Variants in ADAM9 observed in about 807,000 individuals in gnomAD.
ADAM9 encodes ADAM metallopeptidase domain 9, also known as disintegrin and metalloproteinase domain-containing protein 9.
Under a neutral mutation model 108.1 loss-of-function variants are expected in ADAM9, and 54 were observed. The observed-to-expected ratio is 0.50, with a 90% confidence interval of 0.40 to 0.63. The LOEUF is 0.63. Among genes scored for constraint, ADAM9 ranks in the 20% least tolerant of loss-of-function variants. ADAM9 has a pLI of 0.00. For synonymous variants in ADAM9, 316 were observed against 336.0 expected (o/e 0.94, Z 0.65); for missense variants, 830 against 997.7 (o/e 0.83, Z 2.26).
At chr8:39,007,858 A>T (rs1281801026) in intron 1 of ADAM9, 28 bp from the exon 2 acceptor site, 2 of 1,491,596 alleles carry the variant, frequency 1.3e-6, no homozygotes. Flanking sequence ...AGTTTCACTT[A>T]TTATATTTGT....
At chr8:39,102,038 C>A in intron 21 of ADAM9, 108 bp downstream of exon 21, 1 of 933,860 alleles carries the variant, frequency 1.1e-6, no homozygotes, top group Non-Finnish European at 1.7e-6. Flanking sequence ...TATTTATTGT[C>A]AACAGTTTAC....
chr8:39,009,157 C>G (rs1382227989), intron 2 of ADAM9, among the ~76,000 whole-genome samples: 1 of 152,190 alleles, frequency 6.6e-6, no homozygotes, highest in Non-Finnish European at 1.5e-5. Flanking sequence ...ATTTACATCT[C>G]TCCAACTGAG....
Position 39,091,341 on chromosome 8 carries a change from G to A in ADAM9, c.2293G>A (p.Glu765Lys). 6.2e-7 allele frequency: 1 copy of A among 1,613,340 alleles called. No homozygotes were observed. Among genetic ancestry groups the A allele is most frequent in the Non-Finnish European group, 8.5e-7 (1 of 1,179,320 alleles). The change falls in exon 20 of 22, where the codon GAA (glutamate) becomes AAA (lysine). Residue 765 changes from glutamate (E) to lysine (K), a missense_variant. Glu to Lys is a moderately conservative substitution (Grantham distance 56). This residue lies in a region of ADAM9 where 238 missense variants were observed against 235.7 expected (regional missense o/e 1.01). Coordinates refer to ENST00000487273, the MANE Select transcript of ADAM9 (RefSeq NM_003816.3). ...TGTTTCTCCAGTGACACCTCCCAGAGAAGTTGTAAGTATAAAATGAAAAAT... is the reference window on the plus strand; with the variant it reads ...TGTTTCTCCAGTGACACCTCCCAGAAAAGTTGTAAGTATAAAATGAAAAAT... ...RHVSPVTPPR[E>K]VPIYANRFAV...
chr8:39,033,832 T>C (rs1837181009), intron 11 of ADAM9, among the ~76,000 whole-genome samples: 1 of 152,202 alleles, frequency 6.6e-6, no homozygotes, highest in South Asian at 2.1e-4. Flanking sequence ...CTCCTTTATT[T>C]GTCTTCTTTT....
intron 1 of ADAM9, among the ~76,000 whole-genome samples, chr8:39,002,615 C>T (rs1836037042): frequency 6.6e-6 from 1 of 151,930 alleles, no homozygotes; most frequent in Middle Eastern, 3.2e-3. Flanking sequence ...GCCACTGTGC[C>T]CGGCCACAAT....
At chr8:39,091,146 C>T in intron 19 of ADAM9, 113 bp from the exon 20 acceptor site, 3 of 974,884 alleles carry the variant, frequency 3.1e-6, no homozygotes. Flanking sequence ...GATTATCATC[C>T]CCACCACTAC....
In ADAM9 at chr8:39,023,871, C is replaced by T. The variant is rs112724264; in HGVS notation, c.914+546C>T. 4.7e-3 allele frequency among the ~76,000 whole-genome samples: 708 copies of T among 151,574 alleles called. 5 individuals are homozygous for T. Among genetic ancestry groups the T allele is most frequent in the African/African-American group, 0.016 (672 of 41,284 alleles). On this transcript the variant is annotated intron_variant, in intron 9 of 21. Coordinates refer to ENST00000487273, the MANE Select transcript of ADAM9 (RefSeq NM_003816.3). ...AAGCAATTCTCCTGCCTCAGCCTCC[C>T]GACTAGCTGGGATTACAGGTGCCTG...
chr8:39,016,123 T>C lies in ADAM9; in HGVS notation c.339T>C (p.His113=). ...ATACAGTATTTTTCATTTAGAATCA[T>C]TGTCATTATCGGGGCTATGTGGAGG... The part of the protein sequence containing the change: ...LITDHPNIQN[H]CHYRGYVEGV... Residue 113 remains histidine (H), a synonymous_variant, in exon 5 of 22, where the codon CAT becomes CAC. Transcript: ENST00000487273. The C allele has an allele frequency of 1.9e-6, 3 of 1,613,402 alleles. No homozygotes were observed. Among genetic ancestry groups the C allele is most frequent in the African/African-American group, 1.3e-5 (1 of 75,044 alleles).
In ADAM9 at chr8:39,016,214, T is replaced by C; in HGVS notation, c.410+20T>C. ...ACTCAGGTAAGCAATTTCCTTTATC[T>C]TCTTTTTTTTTGTTTCCCCTATGTC... On this transcript the variant is annotated intron_variant, in intron 5 of 21. Coordinates refer to ENST00000487273, the MANE Select transcript of ADAM9 (RefSeq NM_003816.3). 6.2e-7 allele frequency: 1 copy of C among 1,602,080 alleles called. No homozygotes were observed.
chr8:39,068,432 T>A (rs775787478), intron 14 of ADAM9, among the ~76,000 whole-genome samples: 8 of 151,914 alleles, frequency 5.3e-5, no homozygotes, highest in Non-Finnish European at 8.8e-5. Flanking sequence ...CCTAGCACTT[T>A]GGGAGGCCGA....
chr8:39,002,148 T>C (rs1030066661), intron 1 of ADAM9, among the ~76,000 whole-genome samples: 1 of 150,316 alleles, frequency 6.7e-6, no homozygotes, highest in African/African-American at 2.5e-5. Flanking sequence ...CTACAAGAAA[T>C]ACTTTGGAAA....
intron 1 of ADAM9, among the ~76,000 whole-genome samples, chr8:39,003,485 T>TA (rs11420960): frequency 0.8 from 117,146 of 146,128 alleles, 46,925 homozygotes; most frequent in East Asian, 0.93. Context: ...ATTTGGAATT[T>TA]AAAAAAAAAA....
intron 12 of ADAM9, among the ~76,000 whole-genome samples, chr8:39,044,692 A>G (rs967151654): frequency 3.3e-5 from 5 of 151,916 alleles, no homozygotes; most frequent in South Asian, 2.1e-4. Flanking sequence ...ATGTGCGCGC[A>G]TTGTTTAGCC....
At chr8:39,019,886 A>C (rs1588341120) in intron 7 of ADAM9, among the ~76,000 whole-genome samples, 1 of 152,374 alleles carries the variant, frequency 6.6e-6, no homozygotes, top group East Asian at 1.9e-4. Flanking sequence ...AAGTGGCAGA[A>C]GGAAAAGCAC....
chr8:39,062,181 A>G (rs1042897206), intron 14 of ADAM9, among the ~76,000 whole-genome samples: 1 of 152,176 alleles, frequency 6.6e-6, no homozygotes, highest in African/African-American at 2.4e-5. Flanking sequence ...GGGTACACAA[A>G]CGTTCAGTAT....
intron 16 of ADAM9, among the ~76,000 whole-genome samples, chr8:39,080,517 A>G (rs1402913706): frequency 6.6e-6 from 1 of 152,046 alleles, no homozygotes; most frequent in African/African-American, 2.4e-5. Context: ...ACCATATACC[A>G]CACGTTCTGT....
At chr8:39,032,401 G>T (rs1220986507) in intron 11 of ADAM9, among the ~76,000 whole-genome samples, 1 of 152,264 alleles carries the variant, frequency 6.6e-6, no homozygotes, top group African/African-American at 2.4e-5. Flanking sequence ...CCCCTGCCAG[G>T]CTGCTGCCTC....
rs900059287 is a variant in ADAM9 at position 39,069,934 on chromosome 8, C to T, written c.1592-1364C>T. 1.3e-4 allele frequency among the ~76,000 whole-genome samples: 19 copies of T among 147,618 alleles called. No individual in the cohort carries two copies. In the Admixed American group the frequency reaches 1.3e-3, roughly 10 times the overall value. On this transcript the variant is annotated intron_variant, in intron 14 of 21. Transcript: ENST00000487273. The stretch of plus-strand genomic sequence containing the variant: ...ATCATATTGACATACTGCTTTAAAA[C>T]CTGCTGCCTTTCAGCCTGGGCTGCA...
intron 12 of ADAM9, among the ~76,000 whole-genome samples, chr8:39,046,037 T>C (rs1837762067): frequency 6.6e-6 from 1 of 152,138 alleles, no homozygotes; most frequent in Non-Finnish European, 1.5e-5. Flanking sequence ...ATGGATTTTA[T>C]TGAATCTGCA....
Sources: allele counts gnomAD v4.1 joint callset (sites outside exome capture counted in the v4.1 genomes callset), GRCh38; gene constraint gnomAD v4.1.1; regional missense constraint gnomAD v4.1.1; transcripts MANE v1.5; gene names NCBI Gene and HGNC (gene_info 2026-07-23, HGNC 2026-07-21).